The following FOXP2 variants were observed in gnomAD, a reference collection of about 807,000 sequenced individuals.
FOXP2 encodes forkhead box protein P2.
A neutral mutation model predicts 115.8 loss-of-function variants in FOXP2; 12 were observed. The ratio of observed to expected loss-of-function variants is 0.10; its 90% CI spans 0.07 to 0.17. FOXP2 has a LOEUF of 0.17. Among genes scored for constraint, FOXP2 ranks in the 10% least tolerant of loss-of-function variants. The pLI is 1.00. For missense variants in FOXP2, 629 were observed against 843.5 expected (o/e 0.75, Z 3.15); for synonymous variants, 328 against 297.7 (o/e 1.10, Z -1.05).
intron 2 of FOXP2, among the ~76,000 whole-genome samples, chr7:114,388,956 G>A (rs189968710): frequency 2.7e-4 from 41 of 152,292 alleles, no homozygotes; most frequent in Non-Finnish European, 5.9e-5. Context: ...AAGTTAGGAC[G>A]TTGAATATTA....
intron 2 of FOXP2, among the ~76,000 whole-genome samples, chr7:114,289,254 A>AT (rs2129176174): frequency 6.6e-6 from 1 of 151,944 alleles, no homozygotes; most frequent in South Asian, 2.1e-4. Flanking sequence ...CTTTTACTTC[A>AT]TTTTACTCTT....
intron 2 of FOXP2, among the ~76,000 whole-genome samples, chr7:114,402,345 A>C (rs1792906041): frequency 6.6e-6 from 1 of 152,134 alleles, no homozygotes; most frequent in South Asian, 2.1e-4. Flanking sequence ...AAATATCAAG[A>C]ATGATATTTT....
intron 3 of FOXP2, among the ~76,000 whole-genome samples, chr7:114,604,241 C>T (rs1487085323): frequency 6.6e-6 from 1 of 152,070 alleles, no homozygotes; most frequent in Non-Finnish European, 1.5e-5. Flanking sequence ...CTCTATGGAG[C>T]CTTTTTTATG....
chr7:114,351,067 A>G (rs1264538525), intron 2 of FOXP2, among the ~76,000 whole-genome samples: 1 of 152,190 alleles, frequency 6.6e-6, no homozygotes, highest in Non-Finnish European at 1.5e-5. Flanking sequence ...GTAAGCACAG[A>G]CACAACCATC....
chr7:114,418,113 G>C (rs1208545954), intron 1 of FOXP2, among the ~76,000 whole-genome samples: 1 of 151,924 alleles, frequency 6.6e-6, no homozygotes, highest in African/African-American at 2.4e-5. Flanking sequence ...GTGGTTATCT[G>C]TTTTTGTAGA....
At chr7:114,612,547 T>C (rs753180920) in intron 3 of FOXP2, among the ~76,000 whole-genome samples, 1 of 144,750 alleles carries the variant, frequency 6.9e-6, no homozygotes, top group Non-Finnish European at 1.5e-5. Context: ...CAAGAGAAGG[T>C]TAAGAATGTT....
At chr7:114,558,484 G>A (rs1184827324) in intron 3 of FOXP2, among the ~76,000 whole-genome samples, 2 of 152,092 alleles carry the variant, frequency 1.3e-5, no homozygotes, top group African/African-American at 2.4e-5. Context: ...TTGAAGAGCT[G>A]GTTTTTGCTT....
At position 114,524,252 on chromosome 7, in the gene FOXP2, G is replaced by C. The variant is rs537504204; in HGVS notation, c.169-10365G>C. Among the ~76,000 whole-genome samples the C allele has an allele frequency of 3.3e-5, 5 of 151,756 alleles. No individual in the cohort carries two copies. In the South Asian group the frequency reaches 8.3e-4, roughly 25 times the overall value. On this transcript the variant is annotated intron_variant, in intron 2 of 16. Coordinates refer to ENST00000350908, the MANE Select transcript of FOXP2 (RefSeq NM_014491.4). ...TAATTTCAGAGACACTTTTTTAAGG[G>C]GAGTAAAATTCCTTTACAATATAAG...
intron 2 of FOXP2, among the ~76,000 whole-genome samples, chr7:114,405,405 C>T (rs1300335906): frequency 6.6e-6 from 1 of 151,822 alleles, no homozygotes; most frequent in Non-Finnish European, 1.5e-5. Context: ...CTATTAATTA[C>T]ACACTTCCCA....
intron 2 of FOXP2, among the ~76,000 whole-genome samples, chr7:114,296,742 G>A (rs1313741766): frequency 1.3e-5 from 2 of 152,114 alleles, no homozygotes; most frequent in Non-Finnish European, 2.9e-5. Context: ...GCAGAGAAAT[G>A]AAGATCTCTT....
intron 2 of FOXP2, among the ~76,000 whole-genome samples, chr7:114,400,618 G>C (rs73434150): frequency 0.014 from 2,182 of 152,228 alleles, 42 homozygotes; most frequent in African/African-American, 0.049. Flanking sequence ...GGTGGGGTCG[G>C]GGGGAATGGC....
intron 2 of FOXP2, among the ~76,000 whole-genome samples, chr7:114,503,295 A>G (rs938043141): frequency 8.6e-5 from 13 of 151,710 alleles, no homozygotes; most frequent in Non-Finnish European, 1.9e-4. Flanking sequence ...TTAACTTAGG[A>G]ATATATATTT....
intron 2 of FOXP2, among the ~76,000 whole-genome samples, chr7:114,370,846 CTCAG>C (rs1412539240): frequency 6.6e-6 from 1 of 152,070 alleles, no homozygotes; most frequent in Non-Finnish European, 1.5e-5. Context: ...GAACAGGTTT[CTCAG>C]TCAAAGAAAT....
At chr7:114,249,402 C>A (rs148467815) in intron 1 of FOXP2, among the ~76,000 whole-genome samples, 2 of 151,658 alleles carry the variant, frequency 1.3e-5, no homozygotes, top group East Asian at 3.9e-4. Flanking sequence ...GTGTGTTGTT[C>A]CCCTCCCTGT....
intron 1 of FOXP2, among the ~76,000 whole-genome samples, chr7:114,127,472 C>T (rs780183699): frequency 2.6e-5 from 4 of 152,012 alleles, no homozygotes; most frequent in South Asian, 2.1e-4. Context: ...TATTCTATTA[C>T]GATAGATAAA....
chr7:114,644,592 T>C, intron 7 of FOXP2, 93 bp from the exon 8 acceptor site: 1 of 1,018,964 alleles, frequency 9.8e-7, no homozygotes, highest in Non-Finnish European at 1.5e-6. Context: ...TGTTTTGACC[T>C]GTTTGTCACT....
chr7:114,353,799 T>C (rs757270631), intron 2 of FOXP2, among the ~76,000 whole-genome samples: 25 of 152,228 alleles, frequency 1.6e-4, no homozygotes, highest in Non-Finnish European at 3.4e-4. Flanking sequence ...TAGCTCATAG[T>C]CTTCTGCCCC....
intron 2 of FOXP2, among the ~76,000 whole-genome samples, chr7:114,492,761 A>G (rs538581455): frequency 3.3e-5 from 5 of 152,238 alleles, no homozygotes; most frequent in African/African-American, 9.6e-5. Flanking sequence ...GTTTGATTGC[A>G]CTGTGGTCTG....
chr7:114,378,971 G>A (rs1017330438), intron 2 of FOXP2, among the ~76,000 whole-genome samples: 1 of 151,512 alleles, frequency 6.6e-6, no homozygotes, highest in Admixed American at 6.6e-5. Context: ...AGCCCTTTAA[G>A]GTTTCTTAAA....
Sources: gnomAD v4.1 joint callset for allele counts (sites outside exome capture counted in the v4.1 genomes callset) on GRCh38, gnomAD v4.1.1 for gene constraint, MANE v1.5 for transcripts, NCBI Gene and HGNC (gene_info 2026-07-23, HGNC 2026-07-21) for gene names.